Variants in TNFAIP8L3 observed in about 807,000 individuals in gnomAD.
TNFAIP8L3 encodes tumor necrosis factor alpha-induced protein 8-like protein 3.
A neutral mutation model predicts 11.8 loss-of-function variants in TNFAIP8L3; 7 were observed. That is an observed-to-expected ratio of 0.59 (90% CI 0.34 to 1.11). The LOEUF (loss-of-function observed/expected upper bound fraction) is 1.11, where lower values mean the gene tolerates loss of function less well. TNFAIP8L3 is among the 50% of genes most tolerant of loss of function. The probability of loss-of-function intolerance (pLI) is 0.03; values close to 1 mark genes in which losing one functional copy is unlikely to be tolerated. For synonymous variants in TNFAIP8L3, 98 were observed against 103.8 expected (o/e 0.94, Z 0.34); for missense variants, 219 against 258.6 (o/e 0.85, Z 1.05).
At chr15:51,082,137 C>T (rs1043841368) in intron 1 of TNFAIP8L3, among the ~76,000 whole-genome samples, 6 of 151,048 alleles carry the variant, frequency 4.0e-5, no homozygotes, top group Non-Finnish European at 8.8e-5. Flanking sequence ...GGGCTACGTT[C>T]TCAGAAATGC....
chr15:51,078,183 C>T (rs1269585540), intron 1 of TNFAIP8L3, among the ~76,000 whole-genome samples: 1 of 152,150 alleles, frequency 6.6e-6, no homozygotes, highest in Non-Finnish European at 1.5e-5. Flanking sequence ...CCCTGGCTTT[C>T]ACCACAGACT....
intron 1 of TNFAIP8L3, among the ~76,000 whole-genome samples, chr15:51,103,312 G>A (rs2278559): frequency 6.6e-6 from 1 of 152,024 alleles, no homozygotes; most frequent in Non-Finnish European, 1.5e-5. Context: ...TACTTCTCTG[G>A]CCTCTTGACT....
chr15:51,073,644 T>C (rs550533236), intron 1 of TNFAIP8L3, among the ~76,000 whole-genome samples: 199 of 152,358 alleles, frequency 1.3e-3, no homozygotes, highest in Non-Finnish European at 2.5e-3. Flanking sequence ...ACAAAATGAT[T>C]GTTTTCTTTG....
upstream of TNFAIP8L3, among the ~76,000 whole-genome samples, chr15:51,098,845 A>G (rs1474069527): frequency 6.6e-6 from 1 of 152,254 alleles, no homozygotes; most frequent in African/African-American, 2.4e-5. Context: ...GATTTTTAAT[A>G]GCTGTACAAT....
chr15:51,077,566 G>C (rs1452223837), intron 1 of TNFAIP8L3, among the ~76,000 whole-genome samples: 3 of 152,194 alleles, frequency 2.0e-5, no homozygotes, highest in African/African-American at 7.2e-5. Context: ...CGAGAGGGGA[G>C]ACCTTTGATA....
intron 1 of TNFAIP8L3, among the ~76,000 whole-genome samples, chr15:51,088,365 C>G (rs1207980672): frequency 6.6e-6 from 1 of 152,150 alleles, no homozygotes; most frequent in Non-Finnish European, 1.5e-5. Flanking sequence ...CCTTAAGAAG[C>G]CTTCCCACTA....
intron 1 of TNFAIP8L3, among the ~76,000 whole-genome samples, chr15:51,070,920 G>A (rs1003934000): frequency 1.4e-5 from 2 of 148,028 alleles, no homozygotes; most frequent in African/African-American, 2.5e-5. Context: ...GCGTAGTGGC[G>A]GGCGCCTGTA....
rs773157656 is a variant in TNFAIP8L3, at chr15:51,057,971, G to A, written c.525C>T (p.Ser175=). Residue 175 remains serine (S), a synonymous_variant, in exon 2 of 2, where the codon TCC becomes TCT. Transcript: ENST00000637513. ...AGTCTCCATCCAGACTATAGAGGGT[G>A]GAGAGGAACTCCACATCGGCAAAGT... ...FNHFADVEFL[S]TLYSLDGDCR... is the part of the protein sequence containing the mutation. The A allele has an allele frequency of 6.8e-5, 110 of 1,614,042 alleles. No homozygotes were observed. The highest frequency in any genetic ancestry group is 9.1e-5 in the Non-Finnish European group (107 of 1,180,020).
rs1404742384 is a variant in TNFAIP8L3, at chr15:51,094,581, G to A, written c.15C>T (p.Ser5=). Reference sequence around the variant, plus strand: ...CGGGCTCGCCCTCGCTCTGCTCCCCGGAATCCGAATCCATGCTGCGGGCTG... The same window carrying A: ...CGGGCTCGCCCTCGCTCTGCTCCCCAGAATCCGAATCCATGCTGCGGGCTG... The part of the protein sequence containing the change: MDSD[S]GEQSEGEPVT... The change falls in exon 1 of 2, where the codon TCC becomes TCT. Residue 5 remains serine, a synonymous_variant. Transcript: ENST00000637513. This position sits in a 1 kb window ranked among gnomAD's most constrained non-coding sequence, Gnocchi z 4.4. 1.9e-5 allele frequency: 28 copies of A among 1,501,000 alleles called. No homozygotes were observed. Among genetic ancestry groups the A allele is most frequent in the Non-Finnish European group, 2.3e-5 (26 of 1,129,996 alleles). The allele number at this position is 1,501,000 out of a possible 1,614,324, so 93.0% of individuals were successfully genotyped here. A position where few individuals can be genotyped will look rare whatever the true frequency, so the allele number is the denominator to read the frequency against.
chr15:51,103,575 A>G (rs954736277), intron 1 of TNFAIP8L3, among the ~76,000 whole-genome samples: 2 of 152,246 alleles, frequency 1.3e-5, no homozygotes, highest in East Asian at 1.9e-4. Context: ...ATAACATTAC[A>G]GCATAATGTT....
At chr15:51,076,082 G>A (rs1042082732) in intron 1 of TNFAIP8L3, among the ~76,000 whole-genome samples, 1 of 152,082 alleles carries the variant, frequency 6.6e-6, no homozygotes, top group Admixed American at 6.5e-5. Context: ...ATCTGAATGC[G>A]GAACAGCAGG....
At chr15:51,083,838 G>A (rs1228479094) in intron 1 of TNFAIP8L3, among the ~76,000 whole-genome samples, 1 of 152,234 alleles carries the variant, frequency 6.6e-6, no homozygotes, top group Non-Finnish European at 1.5e-5. Flanking sequence ...CGGAGCCAGT[G>A]AGGGGGGCCA....
chr15:51,059,194 TG>T (rs1281045311), intron 1 of TNFAIP8L3, among the ~76,000 whole-genome samples: 2 of 152,190 alleles, frequency 1.3e-5, no homozygotes, highest in African/African-American at 4.8e-5. Context: ...AAATCAAAGA[TG>T]CTAGAGATGA....
At chr15:51,068,163 C>A (rs2065283730) in intron 1 of TNFAIP8L3, among the ~76,000 whole-genome samples, 1 of 152,206 alleles carries the variant, frequency 6.6e-6, no homozygotes, top group South Asian at 2.1e-4. Context: ...GAGTAAGGAA[C>A]AGCATGGGTG....
intron 1 of TNFAIP8L3, among the ~76,000 whole-genome samples, chr15:51,075,500 GTC>G (rs906317786): frequency 2.3e-4 from 35 of 152,224 alleles, no homozygotes; most frequent in African/African-American, 8.4e-4. Context: ...TCCACGTTCT[GTC>G]TCTCTGGGCA....
intron 1 of TNFAIP8L3, among the ~76,000 whole-genome samples, chr15:51,062,576 G>A (rs112281002): frequency 1.6e-4 from 25 of 152,182 alleles, no homozygotes; most frequent in African/African-American, 6.0e-4. Flanking sequence ...CTGGACTCTT[G>A]CAGTCTGCCC....
At chr15:51,091,182 C>T (rs1308227965) in intron 1 of TNFAIP8L3, among the ~76,000 whole-genome samples, 1 of 152,176 alleles carries the variant, frequency 6.6e-6, no homozygotes, top group Admixed American at 6.5e-5. Flanking sequence ...GACATAGAAG[C>T]ATCATTCTGT....
intron 1 of TNFAIP8L3, among the ~76,000 whole-genome samples, chr15:51,104,529 G>A (rs1429526143): frequency 2.0e-5 from 3 of 152,144 alleles, no homozygotes; most frequent in Non-Finnish European, 2.9e-5. Flanking sequence ...TCTCTGCCCT[G>A]CTCCTGCGTG....
At chr15:51,059,549 A>G (rs1002570583) in intron 1 of TNFAIP8L3, among the ~76,000 whole-genome samples, 4 of 152,240 alleles carry the variant, frequency 2.6e-5, no homozygotes, top group African/African-American at 7.2e-5. Flanking sequence ...TACAGTATGT[A>G]TGTATATTGT....
Sources: allele counts gnomAD v4.1 joint callset (sites outside exome capture counted in the v4.1 genomes callset), GRCh38; gene constraint gnomAD v4.1.1; non-coding constraint Gnocchi (gnomAD v3.1); transcripts MANE v1.5; gene names NCBI Gene and HGNC (gene_info 2026-07-23, HGNC 2026-07-21).